Variants in FAM174A observed in about 807,000 individuals in gnomAD.
FAM174A encodes family with sequence similarity 174 member A.
A neutral mutation model predicts 14.3 loss-of-function variants in FAM174A; 14 were observed. That is an observed-to-expected ratio of 0.98 (90% CI 0.65 to 1.53). The LOEUF is 1.53. Among genes scored for constraint, FAM174A ranks in the 40% most tolerant of loss-of-function variants. The pLI is 0.00. For synonymous variants in FAM174A, 108 were observed against 111.4 expected, an observed-to-expected ratio of 0.97 and a Z score of 0.19; for missense variants, 241 against 249.6, an observed-to-expected ratio of 0.97 and a Z score of 0.23.
chr5:100,546,953 A>C (rs1746175591), intron 1 of FAM174A, among the ~76,000 whole-genome samples: 1 of 151,856 alleles, frequency 6.6e-6, no homozygotes, highest in Non-Finnish European at 1.5e-5. Flanking sequence ...ATATAATGTT[A>C]TTTTGACTCC....
chr5:100,568,567 C>T (rs998550847), intron 2 of FAM174A, among the ~76,000 whole-genome samples: 3 of 148,938 alleles, frequency 2.0e-5, no homozygotes, highest in Admixed American at 1.4e-4. Flanking sequence ...GTTTATCTCT[C>T]CTGGGTTCTT....
chr5:100,565,469 G>A (rs750258667), intron 2 of FAM174A, among the ~76,000 whole-genome samples: 6 of 151,786 alleles, frequency 4.0e-5, no homozygotes, highest in Non-Finnish European at 7.4e-5. Flanking sequence ...AGGAGTGCAT[G>A]TAAGTTAATA....
chr5:100,539,877 G>A (rs888562500), intron 1 of FAM174A, among the ~76,000 whole-genome samples: 5 of 152,318 alleles, frequency 3.3e-5, no homozygotes, highest in Non-Finnish European at 5.9e-5. Flanking sequence ...TTTGTTGGAT[G>A]TTAAACCTCC....
At chr5:100,542,836 A>T (rs1464033688) in intron 1 of FAM174A, among the ~76,000 whole-genome samples, 2 of 148,892 alleles carry the variant, frequency 1.3e-5, no homozygotes, top group African/African-American at 2.6e-5. Context: ...TATTATATTT[A>T]TATATATATA....
At chr5:100,554,242 T>G (rs2112376246) in intron 1 of FAM174A, among the ~76,000 whole-genome samples, 1 of 152,018 alleles carries the variant, frequency 6.6e-6, no homozygotes, top group East Asian at 1.9e-4. Context: ...AACAATTGCA[T>G]GCAGATATCA....
intron 2 of FAM174A, among the ~76,000 whole-genome samples, chr5:100,571,664 G>C (rs1746781464): frequency 9.3e-6 from 1 of 107,052 alleles, no homozygotes; most frequent in Admixed American, 9.6e-5. Context: ...ATACCTAAGT[G>C]TGTGTGTGTA....
chr5:100,584,967 GT>G (rs1747098536), intron 2 of FAM174A, among the ~76,000 whole-genome samples: 1 of 151,932 alleles, frequency 6.6e-6, no homozygotes, highest in African/African-American at 2.4e-5. Flanking sequence ...GTGTCATCAT[GT>G]TATTCAAGGT....
chr5:100,542,006 A>T (rs1204072332), intron 1 of FAM174A, among the ~76,000 whole-genome samples: 1 of 152,006 alleles, frequency 6.6e-6, no homozygotes, highest in East Asian at 1.9e-4. Flanking sequence ...ATGTCTGGAG[A>T]GCAGGGCCTC....
At chr5:100,546,157 C>A (rs1223305026) in intron 1 of FAM174A, among the ~76,000 whole-genome samples, 1 of 152,196 alleles carries the variant, frequency 6.6e-6, no homozygotes, top group African/African-American at 2.4e-5. Flanking sequence ...TATCCTCCAA[C>A]ACAGTTGTCC....
chr5:100,565,756 T>G (rs985624627), intron 2 of FAM174A, among the ~76,000 whole-genome samples: 3 of 151,772 alleles, frequency 2.0e-5, no homozygotes, highest in African/African-American at 7.2e-5. Flanking sequence ...GACAGATGTA[T>G]TAGTCCGTTT....
chr5:100,556,817 G>C (rs543802590), intron 1 of FAM174A, among the ~76,000 whole-genome samples: 1 of 152,280 alleles, frequency 6.6e-6, no homozygotes, highest in South Asian at 2.1e-4. Context: ...TGCTGAAGTT[G>C]CCTATCAGCT....
rs1747127445 is a variant in FAM174A at position 100,586,438 on chromosome 5, T to C, written c.*254T>C. 7.8e-6 allele frequency: 2 copies of C among 257,214 alleles called. No homozygotes were observed. The highest frequency in any genetic ancestry group is 1.1e-4 in the Admixed American group (2 of 18,262). The allele number at this position is 257,214 out of a possible 1,614,324, so 15.9% of individuals were successfully genotyped here. ...TGTAATAATTTATCTGTTTGAAAAT[T>C]ACTATAAAACGGTGTTTTCTGATCG... On this transcript the variant is annotated 3_prime_UTR_variant, in exon 3 of 3. Coordinates refer to ENST00000312637, the MANE Select transcript of FAM174A (RefSeq NM_198507.3).
intron 1 of FAM174A, among the ~76,000 whole-genome samples, chr5:100,555,668 T>C (rs962175203): frequency 9.9e-5 from 15 of 152,220 alleles, no homozygotes; most frequent in Non-Finnish European, 1.9e-4. Context: ...TTTGCATTTC[T>C]CTGATGGCCA....
rs774121757 is a variant in FAM174A, at chr5:100,535,556, G to C, written c.26G>C (p.Cys9Ser). Residue 9 changes from cysteine to serine, a missense_variant, in exon 1 of 3, where the codon TGT (cysteine) becomes TCT (serine). By Grantham distance (112) the Cys-to-Ser change is moderately radical. Transcript: ENST00000312637. MKASQCCCCLSHLLASVLL... is the reference protein window; with the variant it reads MKASQCCCSLSHLLASVLL... ...ATGAAGGCCTCGCAGTGCTGCTGCT[G>C]TCTCAGCCACCTCTTGGCTTCCGTC... 5.6e-6 allele frequency: 9 copies of C among 1,613,060 alleles called. No homozygotes were observed. Among genetic ancestry groups the C allele is most frequent in the African/African-American group, 1.3e-5 (1 of 74,948 alleles).
intron 1 of FAM174A, among the ~76,000 whole-genome samples, chr5:100,549,803 C>A (rs1746230264): frequency 6.6e-6 from 1 of 151,862 alleles, no homozygotes; most frequent in Non-Finnish European, 1.5e-5. Context: ...TAAAGGAATT[C>A]AAAACTACAA....
chr5:100,562,343 C>T (rs1346221945), intron 2 of FAM174A, among the ~76,000 whole-genome samples, 155 bp downstream of exon 2: 2 of 151,960 alleles, frequency 1.3e-5, no homozygotes, highest in African/African-American at 2.4e-5. Context: ...TACCCCATAG[C>T]TCACATTCAC....
At chr5:100,581,233 G>A (rs908130650) in intron 2 of FAM174A, 22 of 290,120 alleles carry the variant, frequency 7.6e-5, no homozygotes, top group Non-Finnish European at 1.0e-4. Context: ...CAAGGCCTGC[G>A]GCATTTTTTT....
intron 2 of FAM174A, among the ~76,000 whole-genome samples, chr5:100,564,633 TTAGC>T (rs1242299846): frequency 6.6e-6 from 1 of 151,572 alleles, no homozygotes; most frequent in Non-Finnish European, 1.5e-5. Flanking sequence ...CAATAAACCA[TTAGC>T]TAGACTAAGC....
At chr5:100,584,414 A>G (rs1747083196) in intron 2 of FAM174A, among the ~76,000 whole-genome samples, 1 of 151,654 alleles carries the variant, frequency 6.6e-6, no homozygotes, top group African/African-American at 2.4e-5. Context: ...CTCCTCAATG[A>G]TTTTCTCAGT....
Sources: gnomAD v4.1 joint callset for allele counts (sites outside exome capture counted in the v4.1 genomes callset) on GRCh38, gnomAD v4.1.1 for gene constraint, MANE v1.5 for transcripts, NCBI Gene and HGNC (gene_info 2026-07-23, HGNC 2026-07-21) for gene names.